The following GLT8D2 variants were observed in gnomAD, a reference collection of about 807,000 sequenced individuals.
GLT8D2 encodes glycosyltransferase 8 domain-containing protein 2.
A neutral mutation model predicts 44.5 loss-of-function variants in GLT8D2; 45 were observed. That is an observed-to-expected ratio of 1.01 (90% CI 0.80 to 1.30). GLT8D2 has a LOEUF of 1.30. Among genes scored for constraint, GLT8D2 ranks in the 50% most tolerant of loss-of-function variants. The pLI is 0.00. For synonymous variants in GLT8D2, 156 were observed against 157.2 expected (o/e 0.99, Z 0.06); for missense variants, 400 against 430.4 (o/e 0.93, Z 0.62).
chr12:104,009,900 C>T (rs1875596978), intron 4 of GLT8D2, among the ~76,000 whole-genome samples: 1 of 152,154 alleles, frequency 6.6e-6, no homozygotes, highest in Admixed American at 6.5e-5. Context: ...GATTCTGAGG[C>T]CTCCCCAGCC....
rs767580537 is a variant in GLT8D2, at chr12:103,994,339, C to T, written c.763G>A (p.Val255Met). Reference protein sequence around the residue: ...KQLEKWMQKNVEENLYSSSLG... With the variant: ...KQLEKWMQKNMEENLYSSSLG... ...GGTAGAGAAGCCTTCACGTACTCCA[C>T]ATTCTTTTGCATCCATTTCTCCAAT... The change falls in exon 9 of 11, where the codon GTG becomes ATG. Residue 255 changes from valine (V) to methionine (M), a missense_variant. By Grantham distance (21) the Val-to-Met change is conservative. Transcript: ENST00000360814. 11 of 1,608,524 alleles carry T rather than the reference C, an allele frequency of 6.8e-6. No homozygotes were observed. The highest frequency in any genetic ancestry group is 9.3e-6 in the Non-Finnish European group (11 of 1,177,020).
intron 1 of GLT8D2, among the ~76,000 whole-genome samples, chr12:104,041,451 C>T (rs1443930695): frequency 6.6e-6 from 1 of 151,974 alleles, no homozygotes; most frequent in Non-Finnish European, 1.5e-5. Context: ...TGGCACGCAC[C>T]TGTGATCCCA....
upstream of GLT8D2, among the ~76,000 whole-genome samples, chr12:104,052,702 G>A (rs979530703): frequency 2.6e-5 from 4 of 152,014 alleles, no homozygotes; most frequent in Admixed American, 2.0e-4. Flanking sequence ...TCCTGGAGAG[G>A]CTTGACATGA....
intron 4 of GLT8D2, among the ~76,000 whole-genome samples, chr12:104,008,271 G>T (rs1384371208): frequency 6.6e-6 from 1 of 152,156 alleles, no homozygotes. Flanking sequence ...GGACAATAAG[G>T]TTCAGGGTGA....
chr12:104,046,155 CTG>C (rs1203438181), intron 1 of GLT8D2, among the ~76,000 whole-genome samples: 26 of 152,174 alleles, frequency 1.7e-4, no homozygotes. Context: ...ACAGAGCTGA[CTG>C]TGAATCCTAA....
At chr12:104,043,488 A>G (rs1880778300) in intron 1 of GLT8D2, among the ~76,000 whole-genome samples, 1 of 151,994 alleles carries the variant, frequency 6.6e-6, no homozygotes, top group Non-Finnish European at 1.5e-5. Flanking sequence ...TATTTTTGAG[A>G]TGGAGTTTTG....
intron 3 of GLT8D2, among the ~76,000 whole-genome samples, chr12:104,017,971 T>G (rs906406783): frequency 6.6e-6 from 1 of 151,508 alleles, no homozygotes; most frequent in African/African-American, 2.4e-5. Flanking sequence ...TTATTTTATC[T>G]TTTTTTTTCT....
intron 4 of GLT8D2, among the ~76,000 whole-genome samples, chr12:104,008,619 G>A (rs1413450407): frequency 6.6e-6 from 1 of 152,228 alleles, no homozygotes; most frequent in Non-Finnish European, 1.5e-5. Flanking sequence ...AAGTAACAAG[G>A]AGCCAAACAT....
intron 6 of GLT8D2, among the ~76,000 whole-genome samples, chr12:103,997,943 AC>A (rs1873683870): frequency 6.8e-6 from 1 of 147,130 alleles, no homozygotes; most frequent in African/African-American, 2.5e-5. Context: ...ACACACACAC[AC>A]ACACACACAC....
At chr12:103,997,318 A>G in intron 7 of GLT8D2, 133 bp downstream of exon 7, 1 of 711,160 alleles carries the variant, frequency 1.4e-6, no homozygotes, top group South Asian at 1.7e-5. Context: ...CATTTACAAC[A>G]ATACTGTACT....
chr12:104,057,884 C>T (rs1882314398), intron 1 of GLT8D2, among the ~76,000 whole-genome samples: 1 of 152,176 alleles, frequency 6.6e-6, no homozygotes, highest in Non-Finnish European at 1.5e-5. Flanking sequence ...CTGAAACCCA[C>T]GTTTGCCTCC....
At position 103,989,327 on chromosome 12, in the gene GLT8D2, C is replaced by A; in HGVS notation, c.*81G>T. On this transcript the variant is annotated 3_prime_UTR_variant, in exon 11 of 11. Transcript: ENST00000360814. ...GATCATATGTATCAAAGGTAATATT[C>A]ATAAAGAACAATGTTATAGTTGGCT... 8.3e-7 allele frequency: 1 copy of A among 1,201,634 alleles called. No individual in the cohort carries two copies. The allele number at this position is 1,201,634 out of a possible 1,614,324, so 74.4% of individuals were successfully genotyped here.
chr12:104,038,242 G>A (rs1406208559), intron 1 of GLT8D2, among the ~76,000 whole-genome samples: 1 of 151,960 alleles, frequency 6.6e-6, no homozygotes, highest in Non-Finnish European at 1.5e-5. Context: ...CACAAGACAG[G>A]GATGCCCTCT....
intron 1 of GLT8D2, among the ~76,000 whole-genome samples, chr12:104,061,449 A>T (rs1246829329): frequency 6.6e-6 from 1 of 152,182 alleles, no homozygotes; most frequent in Non-Finnish European, 1.5e-5. Flanking sequence ...TCTCAGAACA[A>T]AGTACAGTTC....
Position 103,989,560 on chromosome 12 carries a change from T to A in GLT8D2, c.898A>T (p.Arg300Ter). 6.2e-7 allele frequency: 1 copy of A among 1,612,564 alleles called. No individual in the cohort carries two copies. The highest frequency in any genetic ancestry group is 1.1e-5 in the South Asian group (1 of 90,738). ...TCCTGCAGAAAATGCTCCGAATATC[T>A]GGCATCTGGATTCCAGCCTTCATTG... The part of the protein sequence containing the change: ...IRHLGWNPDA[R>*]YSEHFLQEAK... The change falls in exon 11 of 11, where the codon AGA (arginine) becomes TGA (stop). Residue 300 changes from arginine (R) to a stop codon, truncating the protein, a stop_gained. Transcript: ENST00000360814. LOFTEE classifies it high-confidence loss of function.
chr12:104,015,360 G>A (rs1021957416), intron 3 of GLT8D2, among the ~76,000 whole-genome samples: 1 of 151,134 alleles, frequency 6.6e-6, no homozygotes, highest in African/African-American at 2.4e-5. Flanking sequence ...ACCAGCCTGG[G>A]CAACAGAGTG....
chr12:104,011,374 G>A (rs557934994), intron 4 of GLT8D2, among the ~76,000 whole-genome samples: 5 of 152,290 alleles, frequency 3.3e-5, no homozygotes, highest in African/African-American at 9.6e-5. Flanking sequence ...TACTGCCTTC[G>A]TCCATTCCAT....
At chr12:103,996,693 T>C (rs377436632) in intron 8 of GLT8D2, 42 bp downstream of exon 8, 10 of 1,392,960 alleles carry the variant, frequency 7.2e-6, no homozygotes, top group Non-Finnish European at 1.0e-5. Context: ...GGGGCCAGAG[T>C]TGTAGAGTGA....
intron 2 of GLT8D2, 134 bp from the exon 3 acceptor site, chr12:104,019,810 C>A: frequency 1.8e-6 from 1 of 551,230 alleles, no homozygotes; most frequent in South Asian, 2.9e-5. Context: ...TGCTCCAAAT[C>A]TAAAATTTTG....
Sources: gnomAD v4.1 joint callset for allele counts (sites outside exome capture counted in the v4.1 genomes callset) on GRCh38, gnomAD v4.1.1 for gene constraint, MANE v1.5 for transcripts, NCBI Gene and HGNC (gene_info 2026-07-23, HGNC 2026-07-21) for gene names.